STAG1: variants seen among roughly 807,000 people sequenced by gnomAD.
STAG1 encodes STAG1 cohesin complex component.
STAG1 carries 26 observed loss-of-function variants against 170.9 expected under a neutral mutation model. The observed-to-expected ratio is 0.15, with a 90% confidence interval of 0.11 to 0.21. The LOEUF (loss-of-function observed/expected upper bound fraction) is 0.21, where lower values mean the gene tolerates loss of function less well. Ranked by LOEUF, STAG1 falls within the 10% of genes least tolerant of loss-of-function variation. The pLI is 1.00. For missense variants in STAG1, 964 were observed against 1,509.5 expected (o/e 0.64, Z 5.99); for synonymous variants, 514 against 497.7 (o/e 1.03, Z -0.44).
intron 26 of STAG1, among the ~76,000 whole-genome samples, chr3:136,359,999 C>T (rs1369412292): frequency 6.6e-6 from 1 of 152,100 alleles, no homozygotes; most frequent in Non-Finnish European, 1.5e-5. Flanking sequence ...CATTTACATA[C>T]ATGGTGCTAT....
At chr3:136,339,277 C>T (rs1294431036) in intron 32 of STAG1, among the ~76,000 whole-genome samples, 3 of 152,202 alleles carry the variant, frequency 2.0e-5, no homozygotes, top group Non-Finnish European at 4.4e-5. Context: ...CATGGTCGCT[C>T]ACACCTGTAA....
chr3:136,347,904 T>C (rs1936293222), intron 29 of STAG1, among the ~76,000 whole-genome samples: 1 of 152,202 alleles, frequency 6.6e-6, no homozygotes, highest in Non-Finnish European at 1.5e-5. Context: ...AGTAATATGC[T>C]CAAAGGTTGC....
At chr3:136,408,485 G>GT (rs35888638) in intron 21 of STAG1, among the ~76,000 whole-genome samples, 56,388 of 149,398 alleles carry the variant, frequency 0.38, 12,855 homozygotes, top group East Asian at 0.75. Flanking sequence ...AAGTTACTGT[G>GT]TTTTTTTTTT....
intron 6 of STAG1, among the ~76,000 whole-genome samples, chr3:136,531,018 T>A (rs1935341456): frequency 6.6e-6 from 1 of 152,044 alleles, no homozygotes; most frequent in Non-Finnish European, 1.5e-5. Context: ...GGCAGGAGAA[T>A]CACCTGAACC....
chr3:136,631,154 T>C (rs1940314124), intron 1 of STAG1, among the ~76,000 whole-genome samples, 173 bp from the exon 2 acceptor site: 1 of 152,196 alleles, frequency 6.6e-6, no homozygotes. Context: ...CTGCCAAAAC[T>C]TGGAAGCAAC....
In STAG1 at chr3:136,443,526, C is replaced by A. The variant is rs116607564; in HGVS notation, c.1429-122G>T. On this transcript the variant is annotated intron_variant, in intron 14 of 33. Coordinates refer to ENST00000383202, the MANE Select transcript of STAG1 (RefSeq NM_005862.3). The stretch of plus-strand genomic sequence containing the variant: ...GGCTTGGTTTCCATGATTCTAAAAA[C>A]CACTTAGAGAACAATATATATATTC... 2,162 of 672,006 alleles carry A rather than the reference C, an allele frequency of 3.2e-3. 33 individuals carry two copies. In the African/African-American group the frequency reaches 0.036, roughly 11 times the overall value. 41.6% of individuals were successfully genotyped at this position (672,006 alleles called of 1,614,324 possible). A position where few individuals can be genotyped will look rare whatever the true frequency, so the allele number is the denominator to read the frequency against.
At chr3:136,570,494 T>C (rs545713427) in intron 4 of STAG1, among the ~76,000 whole-genome samples, 1 of 152,364 alleles carries the variant, frequency 6.6e-6, no homozygotes, top group East Asian at 1.9e-4. Flanking sequence ...AATAAAACTG[T>C]TATGTACACA....
rs1475491225 is a variant in STAG1 at position 136,338,005 on chromosome 3, T to C, written c.*249A>G. On this transcript the variant is annotated 3_prime_UTR_variant, in exon 34 of 34. Coordinates refer to ENST00000383202, the MANE Select transcript of STAG1 (RefSeq NM_005862.3). ...TCCAGAAAAACACACACATCTGTAT[T>C]GGGATAAGTCCAATAGTAGGACACA... is the stretch of plus-strand genomic sequence containing the variant. 3 of 456,894 alleles carry C rather than the reference T, an allele frequency of 6.6e-6. No individual in the cohort carries two copies. The Admixed American group carries it at 1.2e-4, about 18-fold the overall frequency. 28.3% of individuals were successfully genotyped at this position (456,894 alleles called of 1,614,324 possible). A position where few individuals can be genotyped will look rare whatever the true frequency, so the allele number is the denominator to read the frequency against.
At chr3:136,600,936 G>A (rs763974745) in intron 4 of STAG1, among the ~76,000 whole-genome samples, 1 of 152,010 alleles carries the variant, frequency 6.6e-6, no homozygotes. Flanking sequence ...TGTCGCCAAG[G>A]CTGGAGTGCA....
intron 28 of STAG1, among the ~76,000 whole-genome samples, chr3:136,357,134 G>A (rs1936689907): frequency 6.6e-6 from 1 of 151,886 alleles, no homozygotes; most frequent in Non-Finnish European, 1.5e-5. Context: ...ATTTTTAGTA[G>A]AGACGGGGTT....
intron 1 of STAG1, among the ~76,000 whole-genome samples, chr3:136,668,563 A>G (rs1313373937): frequency 6.6e-6 from 1 of 151,924 alleles, no homozygotes; most frequent in African/African-American, 2.4e-5. Context: ...GTAAGCATAG[A>G]GAAAGCCTTC....
At chr3:136,560,886 G>C (rs902531832) in intron 5 of STAG1, among the ~76,000 whole-genome samples, 2 of 152,144 alleles carry the variant, frequency 1.3e-5, no homozygotes, top group African/African-American at 4.8e-5. Flanking sequence ...ACTTTGTTCT[G>C]TCATTGTTGG....
At chr3:136,374,322 G>GA (rs35923792) in intron 23 of STAG1, among the ~76,000 whole-genome samples, 122,551 of 151,864 alleles carry the variant, frequency 0.81, 49,747 homozygotes, top group East Asian at 0.99. Flanking sequence ...AAAGATATAA[G>GA]AAAAAAATAT....
chr3:136,613,051 C>A (rs1939382826), intron 3 of STAG1, among the ~76,000 whole-genome samples: 1 of 151,940 alleles, frequency 6.6e-6, no homozygotes, highest in Non-Finnish European at 1.5e-5. Flanking sequence ...ACCTGTAATC[C>A]CAGCACTTTG....
chr3:136,587,929 C>T (rs547422843), intron 4 of STAG1, among the ~76,000 whole-genome samples: 2 of 152,264 alleles, frequency 1.3e-5, no homozygotes, highest in South Asian at 4.1e-4. Flanking sequence ...CACCATTACA[C>T]TCCAGCCTGG....
chr3:136,502,914 T>A, intron 7 of STAG1, 135 bp from the exon 8 acceptor site: 1 of 657,940 alleles, frequency 1.5e-6, no homozygotes, highest in Non-Finnish European at 2.2e-6. Flanking sequence ...AATTTAAGTT[T>A]AAATAAAAGA....
At chr3:136,444,073 T>C (rs994342144) in intron 14 of STAG1, among the ~76,000 whole-genome samples, 81 of 152,040 alleles carry the variant, frequency 5.3e-4, no homozygotes, top group Admixed American at 1.0e-3. Context: ...TTGGAGAATA[T>C]TATCCTTTTT....
intron 9 of STAG1, among the ~76,000 whole-genome samples, chr3:136,491,271 C>T (rs1420335220): frequency 6.6e-6 from 1 of 152,128 alleles, no homozygotes; most frequent in African/African-American, 2.4e-5. Context: ...GTGCACACTA[C>T]CATGACCAAG....
At chr3:136,338,902 C>CA (rs1210263405) in intron 32 of STAG1, among the ~76,000 whole-genome samples, 1 of 152,170 alleles carries the variant, frequency 6.6e-6, no homozygotes, top group South Asian at 2.1e-4. Context: ...ACAAAACTTA[C>CA]AAAAACTTTT....
Sources: allele counts gnomAD v4.1 joint callset (sites outside exome capture counted in the v4.1 genomes callset), GRCh38; gene constraint gnomAD v4.1.1; transcripts MANE v1.5; gene names NCBI Gene and HGNC (gene_info 2026-07-23, HGNC 2026-07-21).